Variants in SDCBP observed in about 807,000 individuals in gnomAD.
SDCBP encodes syntenin-1.
SDCBP carries 22 observed loss-of-function variants against 30.5 expected under a neutral mutation model. The observed-to-expected ratio is 0.72, with a 90% confidence interval of 0.52 to 1.03. SDCBP has a LOEUF of 1.03. SDCBP is among the 50% of genes least tolerant of loss of function. The probability of loss-of-function intolerance (pLI) is 0.00; values close to 1 mark genes in which losing one functional copy is unlikely to be tolerated. For missense variants in SDCBP, 304 were observed against 369.9 expected, an observed-to-expected ratio of 0.82 and a Z score of 1.46; for synonymous variants, 103 against 118.7, an observed-to-expected ratio of 0.87 and a Z score of 0.86.
At chr8:58,577,747 A>AGGG (rs770409453) in intron 5 of SDCBP, among the ~76,000 whole-genome samples, 4 of 152,196 alleles carry the variant, frequency 2.6e-5, no homozygotes, top group African/African-American at 9.6e-5. Flanking sequence ...TCCAAGTTGA[A>AGGG]GGGGGGGATT....
chr8:58,562,336 G>T (rs1334891368), intron 1 of SDCBP, among the ~76,000 whole-genome samples: 1 of 152,042 alleles, frequency 6.6e-6, no homozygotes, highest in East Asian at 1.9e-4. Context: ...TACAGAAATG[G>T]ATATACTGAT....
chr8:58,561,591 A>C, intron 1 of SDCBP: 1 of 445,082 alleles, frequency 2.2e-6, no homozygotes, highest in East Asian at 3.4e-5. Flanking sequence ...AACTGCCAGC[A>C]AAGTACTGTA....
Position 58,575,905 on chromosome 8 carries a change from G to T in SDCBP, c.246G>T (p.Leu82Phe). The T allele has an allele frequency of 6.2e-7, 1 of 1,609,720 alleles. No homozygotes were observed. The highest frequency in any genetic ancestry group is 8.5e-7 in the Non-Finnish European group (1 of 1,177,124). ...VVSGAPLQGQ[L>F]VARPSSINYM... Reference sequence around the variant, plus strand: ...ATTGTATATGGTTTTGTCAGCAGTTGGTAGCAAGACCTTCCAGTATAAACT... The same window carrying T: ...ATTGTATATGGTTTTGTCAGCAGTTTGTAGCAAGACCTTCCAGTATAAACT... Residue 82 changes from leucine (L) to phenylalanine (F), a missense_variant, in exon 5 of 9, where the codon TTG becomes TTT. By Grantham distance (22) the Leu-to-Phe change is conservative. Transcript: ENST00000260130.
chr8:58,560,196 T>C (rs1014883215), intron 1 of SDCBP: 1 of 152,272 alleles, frequency 6.6e-6, no homozygotes, highest in Non-Finnish European at 1.5e-5. Flanking sequence ...TTGGAATGTG[T>C]GTCCAGTGTT....
At chr8:58,556,152 C>G (rs1230394739) in intron 1 of SDCBP, among the ~76,000 whole-genome samples, 5 of 152,182 alleles carry the variant, frequency 3.3e-5, no homozygotes, top group African/African-American at 1.2e-4. Context: ...TTTAATACAG[C>G]GGTTCCCGAC....
At chr8:58,579,241 T>A (rs55826516) in intron 6 of SDCBP, among the ~76,000 whole-genome samples, 2 of 151,756 alleles carry the variant, frequency 1.3e-5, no homozygotes, top group Admixed American at 1.3e-4. Context: ...ATGATTTGGC[T>A]CTAGAAAATA....
rs1260491236 is a variant in SDCBP, at chr8:58,581,653, TCTCGGTATATAATAAAAGTA to T, written c.843-31_843-12del. The T allele has an allele frequency of 3.2e-6, 5 of 1,553,702 alleles. No individual in the cohort carries two copies. Among genetic ancestry groups the T allele is most frequent in the Non-Finnish European group, 4.4e-6 (5 of 1,127,950 alleles). ...GCATTTTGAAAAACAAAAACCAGAA[TCTCGGTATATAATAAAAGTA>T]CCTCTCTTGTAGGATGGCACCAAGC... is the stretch of plus-strand genomic sequence containing the variant. On this transcript the variant is annotated splice_polypyrimidine_tract_variant and intron_variant, in intron 8 of 8. Coordinates refer to ENST00000260130, the MANE Select transcript of SDCBP (RefSeq NM_005625.4).
intron 1 of SDCBP, among the ~76,000 whole-genome samples, 185 bp downstream of exon 1, chr8:58,553,488 G>T (rs968463368): frequency 5.9e-5 from 9 of 151,908 alleles, no homozygotes; most frequent in Non-Finnish European, 1.2e-4. Flanking sequence ...CCTGCTGGCT[G>T]GGGGGGCAAG....
chr8:58,579,756 A>T lies in SDCBP; in HGVS notation c.712A>T (p.Ile238Phe), dbSNP rs757961090. ...ARNGLLTEHN[I>F]CEINGQNVIG... ...AAATGGTCTTCTCACGGAACATAAC[A>T]TCTGTGAAATCAATGGACAGAATGT... Residue 238 changes from isoleucine (I) to phenylalanine (F), a missense_variant, in exon 7 of 9, where the codon ATC (isoleucine) becomes TTC (phenylalanine). Physicochemically the swap from Ile to Phe is conservative, Grantham distance 21 (BLOSUM62 0). Coordinates refer to ENST00000260130, the MANE Select transcript of SDCBP (RefSeq NM_005625.4). 3 of 1,612,038 alleles carry T rather than the reference A, an allele frequency of 1.9e-6. No homozygotes were observed. In the East Asian group the frequency reaches 6.7e-5, roughly 36 times the overall value.
intron 1 of SDCBP, among the ~76,000 whole-genome samples, chr8:58,554,923 T>C (rs1804013045): frequency 1.3e-5 from 2 of 152,212 alleles, no homozygotes; most frequent in Admixed American, 1.3e-4. Flanking sequence ...TTAAGCAGCA[T>C]AAAAAGGTAT....
At position 58,565,069 on chromosome 8, in the gene SDCBP, A is replaced by C; in HGVS notation, c.36A>C (p.Val12=). 6.3e-7 allele frequency: 1 copy of C among 1,580,674 alleles called. No homozygotes were observed. The highest frequency in any genetic ancestry group is 8.6e-7 in the Non-Finnish European group (1 of 1,156,992). The change falls in exon 2 of 9, where the codon GTA becomes GTC. Residue 12 remains valine, a synonymous_variant. Transcript: ENST00000260130. ...ATCCATCTCTCGAAGACTTGAAGGT[A>C]GACAAAGTAATTCAGGTATGATAGT... ...SLYPSLEDLK[V]DKVIQAQTAF...
intron 1 of SDCBP, among the ~76,000 whole-genome samples, chr8:58,564,776 T>A (rs1665603210): frequency 6.6e-6 from 1 of 152,224 alleles, no homozygotes; most frequent in African/African-American, 2.4e-5. Context: ...ACTTGAATTT[T>A]AAAAATCGGT....
chr8:58,562,367 G>A (rs1216692351), intron 1 of SDCBP, among the ~76,000 whole-genome samples: 4 of 152,106 alleles, frequency 2.6e-5, no homozygotes, highest in Non-Finnish European at 5.9e-5. Context: ...ATACTGAATT[G>A]ATAGGGATTT....
At chr8:58,558,878 C>T (rs1049640781) in intron 1 of SDCBP, among the ~76,000 whole-genome samples, 3 of 152,078 alleles carry the variant, frequency 2.0e-5, no homozygotes, top group African/African-American at 7.2e-5. Context: ...AAGCATGTGA[C>T]CTGGGTGGCA....
intron 1 of SDCBP, among the ~76,000 whole-genome samples, chr8:58,554,704 T>G (rs1285624760): frequency 6.6e-6 from 1 of 152,216 alleles, no homozygotes; most frequent in African/African-American, 2.4e-5. Context: ...TGACAACTAT[T>G]TTCCCTGTTT....
At chr8:58,580,783 C>A (rs1258725707) in intron 8 of SDCBP, among the ~76,000 whole-genome samples, 175 bp downstream of exon 8, 2 of 152,130 alleles carry the variant, frequency 1.3e-5, no homozygotes. Context: ...GCTCTTACAA[C>A]TTCCCAAGTA....
chr8:58,560,242 C>G (rs992564459), intron 1 of SDCBP: 3 of 152,244 alleles, frequency 2.0e-5, no homozygotes, highest in African/African-American at 7.2e-5. Context: ...TGGCTTCTGT[C>G]TTGCTTGTCT....
At chr8:58,563,491 T>C (rs1376457650) in intron 1 of SDCBP, among the ~76,000 whole-genome samples, 1 of 152,102 alleles carries the variant, frequency 6.6e-6, no homozygotes, top group Non-Finnish European at 1.5e-5. Flanking sequence ...GTGGAGATGA[T>C]TGTAGAAGTC....
At chr8:58,566,608 T>C (rs191481748) in intron 2 of SDCBP, among the ~76,000 whole-genome samples, 3 of 152,348 alleles carry the variant, frequency 2.0e-5, no homozygotes, top group African/African-American at 7.2e-5. Flanking sequence ...ATGGTTCTTT[T>C]ATTACCCCTG....
Sources: allele counts gnomAD v4.1 joint callset (sites outside exome capture counted in the v4.1 genomes callset), GRCh38; gene constraint gnomAD v4.1.1; transcripts MANE v1.5; gene names NCBI Gene and HGNC (gene_info 2026-07-23, HGNC 2026-07-21).